MAN1A1: variants seen among roughly 807,000 people sequenced by gnomAD.
MAN1A1 encodes the protein mannosyl-oligosaccharide 1,2-alpha-mannosidase IA.
A neutral mutation model predicts 70.8 loss-of-function variants in MAN1A1; 29 were observed. That is an observed-to-expected ratio of 0.41 (90% CI 0.31 to 0.56). The LOEUF (loss-of-function observed/expected upper bound fraction) is 0.56, where lower values mean the gene tolerates loss of function less well. Ranked by LOEUF, MAN1A1 falls within the 20% of genes least tolerant of loss-of-function variation. MAN1A1 has a pLI of 0.29. For missense variants in MAN1A1, 747 were observed against 841.3 expected (o/e 0.89, Z 1.39); for synonymous variants, 349 against 330.1 (o/e 1.06, Z -0.62).
intron 6 of MAN1A1, among the ~76,000 whole-genome samples, chr6:119,211,561 T>C (rs957411770): frequency 1.3e-5 from 2 of 152,190 alleles, no homozygotes; most frequent in African/African-American, 4.8e-5. Flanking sequence ...TCTAATCCCA[T>C]ATTTAGTGTC....
intron 2 of MAN1A1, among the ~76,000 whole-genome samples, chr6:119,328,254 C>T (rs1395073817): frequency 2.6e-5 from 4 of 152,218 alleles, no homozygotes; most frequent in African/African-American, 4.8e-5. Context: ...TTTAGAAACC[C>T]GGTCTTCAAA....
intron 6 of MAN1A1, among the ~76,000 whole-genome samples, chr6:119,212,461 G>GAGCC (rs1474137003): frequency 6.6e-6 from 1 of 152,156 alleles, no homozygotes. Flanking sequence ...ACTTAAGACT[G>GAGCC]AGCCAGTCAG....
At chr6:119,220,044 C>A (rs1323896649) in intron 6 of MAN1A1, among the ~76,000 whole-genome samples, 1 of 151,852 alleles carries the variant, frequency 6.6e-6, no homozygotes, top group Non-Finnish European at 1.5e-5. Context: ...TATCCACATG[C>A]ACAGGAAATT....
At chr6:119,180,207 G>C (rs1773113535) in intron 12 of MAN1A1, 105 bp downstream of exon 12, 1 of 821,718 alleles carries the variant, frequency 1.2e-6, no homozygotes, top group South Asian at 1.7e-5. Context: ...CTGATATTCT[G>C]AATCAGGCAT....
intron 2 of MAN1A1, among the ~76,000 whole-genome samples, chr6:119,314,781 G>A (rs115196212): frequency 0.014 from 2,201 of 152,190 alleles, 34 homozygotes; most frequent in African/African-American, 0.037. Flanking sequence ...GACCCTCACA[G>A]CACCACCTTT....
intron 6 of MAN1A1, among the ~76,000 whole-genome samples, chr6:119,225,372 T>G (rs1216494358): frequency 1.3e-5 from 2 of 151,182 alleles, no homozygotes; most frequent in African/African-American, 4.9e-5. Context: ...CTAGCCTGAG[T>G]GACAGAGTGA....
rs576053355 is a variant in MAN1A1 at position 119,203,803 on chromosome 6, C to T, written c.1116+956G>A. On this transcript the variant is annotated intron_variant, in intron 7 of 12. Transcript: ENST00000368468. ...TTTAAGTGGGACTTGTCTATCGGGC[C>T]TCTTAGTGGAGATGTTTAATAAACA... is the stretch of plus-strand genomic sequence containing the variant. 3.9e-5 allele frequency among the ~76,000 whole-genome samples: 6 copies of T among 152,186 alleles called. No individual in the cohort carries two copies. The South Asian group carries it at 1.0e-3, about 26-fold the overall frequency.
intron 5 of MAN1A1, among the ~76,000 whole-genome samples, chr6:119,258,603 C>T (rs1370226246): frequency 6.6e-6 from 1 of 152,112 alleles, no homozygotes; most frequent in Non-Finnish European, 1.5e-5. Flanking sequence ...AACCTACCCC[C>T]ACAGATACCT....
rs1233762961 is a variant in MAN1A1, at chr6:119,349,481, G to A, written c.-223+61C>T. ...TATCAGGTCCCGTGGGTAGGGGAGGGGTGTCCCGCGCAGGAAGGGGTCAGG... is the reference window on the plus strand; with the variant it reads ...TATCAGGTCCCGTGGGTAGGGGAGGAGTGTCCCGCGCAGGAAGGGGTCAGG... On this transcript the variant is annotated intron_variant, in intron 1 of 12. Transcript: ENST00000368468. 3.1e-6 allele frequency: 3 copies of A among 960,376 alleles called. No individual in the cohort carries two copies. In the African/African-American group the frequency reaches 5.3e-5, roughly 17 times the overall value. The allele number at this position is 960,376 out of a possible 1,614,324, so 59.5% of individuals were successfully genotyped here.
chr6:119,249,647 C>A (rs1252522814), intron 5 of MAN1A1, among the ~76,000 whole-genome samples: 1 of 152,114 alleles, frequency 6.6e-6, no homozygotes, highest in Non-Finnish European at 1.5e-5. Context: ...AAAGAAGTCA[C>A]GTGTGGCTTC....
At chr6:119,315,475 T>C (rs1389502092) in intron 2 of MAN1A1, among the ~76,000 whole-genome samples, 1 of 152,222 alleles carries the variant, frequency 6.6e-6, no homozygotes, top group African/African-American at 2.4e-5. Context: ...AAACCCAGTG[T>C]TTCCAGTTCT....
At chr6:119,241,554 A>G (rs1385734740) in intron 6 of MAN1A1, among the ~76,000 whole-genome samples, 1 of 152,204 alleles carries the variant, frequency 6.6e-6, no homozygotes, top group African/African-American at 2.4e-5. Context: ...CAGCAATGTT[A>G]TGTTTTAATG....
chr6:119,190,982 T>C (rs1181596129), intron 9 of MAN1A1, among the ~76,000 whole-genome samples: 2 of 152,110 alleles, frequency 1.3e-5, no homozygotes, highest in African/African-American at 4.8e-5. Flanking sequence ...AGGAAGCACA[T>C]TTGGGAATAA....
intron 5 of MAN1A1, among the ~76,000 whole-genome samples, chr6:119,258,613 T>TA (rs1288734531): frequency 5.9e-5 from 9 of 152,290 alleles, no homozygotes; most frequent in Admixed American, 1.3e-4. Context: ...CACAGATACC[T>TA]AGGCATGACT....
intron 5 of MAN1A1, among the ~76,000 whole-genome samples, chr6:119,277,438 C>T (rs1372883839): frequency 6.6e-6 from 1 of 152,134 alleles, no homozygotes; most frequent in Non-Finnish European, 1.5e-5. Context: ...TAGAAGGCAC[C>T]TAATTCCCAG....
intron 5 of MAN1A1, among the ~76,000 whole-genome samples, chr6:119,266,287 C>T (rs1775751758): frequency 6.6e-6 from 1 of 152,032 alleles, no homozygotes; most frequent in Admixed American, 6.6e-5. Context: ...TTCAAAATAG[C>T]CAATTTCTGA....
At position 119,179,098 on chromosome 6, in the gene MAN1A1, A is replaced by G. The variant is rs1302839148; in HGVS notation, c.*721T>C. 1 of 152,218 alleles carries G rather than the reference A, an allele frequency of 6.6e-6. No homozygotes were observed. Among genetic ancestry groups the G allele is most frequent in the Non-Finnish European group, 1.5e-5 (1 of 68,020 alleles). The allele number at this position is 152,218 out of a possible 1,614,324, so 9.4% of individuals were successfully genotyped here. A position where few individuals can be genotyped will look rare whatever the true frequency, so the allele number is the denominator to read the frequency against. Reference sequence around the variant, plus strand: ...TGGGGAATGGAAGAAATTAACTAGTATATAATCCAGAAATGACACAGGGCA... The same window carrying G: ...TGGGGAATGGAAGAAATTAACTAGTGTATAATCCAGAAATGACACAGGGCA... On this transcript the variant is annotated 3_prime_UTR_variant, in exon 13 of 13. Transcript: ENST00000368468.
intron 9 of MAN1A1, among the ~76,000 whole-genome samples, 160 bp from the exon 10 acceptor site, chr6:119,190,043 A>C (rs1454311322): frequency 6.6e-6 from 1 of 152,108 alleles, no homozygotes; most frequent in East Asian, 1.9e-4. Context: ...TGCTTTCTGT[A>C]TTCCTCCTCT....
intron 1 of MAN1A1, 84 bp from the exon 2 acceptor site, chr6:119,349,371 G>A: frequency 9.8e-7 from 1 of 1,016,390 alleles, no homozygotes; most frequent in Non-Finnish European, 1.2e-6. Flanking sequence ...CTCCTGGCGA[G>A]CCTCCAGGAC....
Sources: allele counts gnomAD v4.1 joint callset (sites outside exome capture counted in the v4.1 genomes callset), GRCh38; gene constraint gnomAD v4.1.1; transcripts MANE v1.5; gene names NCBI Gene and HGNC (gene_info 2026-07-23, HGNC 2026-07-21).